The following TEX36 variants were observed in gnomAD, a reference collection of about 807,000 sequenced individuals.
TEX36 encodes the protein testis expressed 36.
TEX36 carries 12 observed loss-of-function variants against 13.6 expected under a neutral mutation model. The ratio of observed to expected loss-of-function variants is 0.88; its 90% CI spans 0.56 to 1.43. TEX36 has a LOEUF of 1.43. Among genes scored for constraint, TEX36 ranks in the 40% most tolerant of loss-of-function variants. TEX36 has a pLI of 0.00. For synonymous variants in TEX36, 93 were observed against 83.0 expected, an observed-to-expected ratio of 1.12 and a Z score of -0.65; for missense variants, 224 against 228.3, an observed-to-expected ratio of 0.98 and a Z score of 0.12.
rs557487097 is a variant in TEX36 at position 125,649,503 on chromosome 10, G to A, written c.264+11518C>T. Among the ~76,000 whole-genome samples, 12 of 152,230 alleles carry A rather than the reference G, an allele frequency of 7.9e-5. No homozygotes were observed. In the East Asian group the frequency reaches 1.9e-3, roughly 24 times the overall value. On this transcript the variant is annotated intron_variant, in intron 3 of 3. Transcript: ENST00000526819. ...CCTTACAAGAGCTCCTGAAGGAAGC[G>A]CTAAACATGGAAAGGAACAACTGGC...
chr10:125,583,770 G>C (rs912187008), intron 3 of TEX36, among the ~76,000 whole-genome samples: 2 of 152,134 alleles, frequency 1.3e-5, no homozygotes, highest in Non-Finnish European at 2.9e-5. Context: ...CATTATTATT[G>C]CCTCAATATA....
At chr10:125,650,128 A>G (rs1399970689) in intron 3 of TEX36, among the ~76,000 whole-genome samples, 1 of 152,214 alleles carries the variant, frequency 6.6e-6, no homozygotes, top group African/African-American at 2.4e-5. Flanking sequence ...AATTGAACTC[A>G]GCTCTGCACC....
chr10:125,588,411 A>G (rs1447347345), intron 3 of TEX36, among the ~76,000 whole-genome samples: 1 of 152,192 alleles, frequency 6.6e-6, no homozygotes, highest in Non-Finnish European at 1.5e-5. Flanking sequence ...GTAATTTATA[A>G]AGTCAAGAGG....
At chr10:125,634,407 A>G (rs2133569603) in intron 3 of TEX36, among the ~76,000 whole-genome samples, 1 of 152,210 alleles carries the variant, frequency 6.6e-6, no homozygotes, top group Middle Eastern at 3.4e-3. Flanking sequence ...TGGGGTTTTT[A>G]GTCTTGATCC....
intron 3 of TEX36, among the ~76,000 whole-genome samples, chr10:125,648,088 C>A (rs957826259): frequency 6.6e-6 from 1 of 152,188 alleles, no homozygotes; most frequent in African/African-American, 2.4e-5. Flanking sequence ...AGGGCATAGC[C>A]AAACAAAAGG....
intron 1 of TEX36, among the ~76,000 whole-genome samples, chr10:125,675,132 CA>C (rs1235428793): frequency 6.6e-6 from 1 of 151,878 alleles, no homozygotes; most frequent in Non-Finnish European, 1.5e-5. Flanking sequence ...GAAATTCATG[CA>C]GGGAGTCCTC....
chr10:125,583,479 A>T (rs1287523387), intron 3 of TEX36, among the ~76,000 whole-genome samples: 1 of 152,220 alleles, frequency 6.6e-6, no homozygotes, highest in Non-Finnish European at 1.5e-5. Flanking sequence ...TTTGTTTTGA[A>T]TGCTGCATGG....
chr10:125,581,011 G>A (rs1565165732), intron 3 of TEX36, among the ~76,000 whole-genome samples: 1 of 152,168 alleles, frequency 6.6e-6, no homozygotes, highest in Admixed American at 6.5e-5. Context: ...AGACAAAGGA[G>A]TCCCAAGGAC....
At chr10:125,590,293 T>A (rs555530747) in intron 3 of TEX36, among the ~76,000 whole-genome samples, 12 of 151,720 alleles carry the variant, frequency 7.9e-5, no homozygotes, top group East Asian at 3.9e-4. Context: ...AAAAAAAAAA[T>A]TTTTGTAGAG....
intron 3 of TEX36, among the ~76,000 whole-genome samples, chr10:125,582,475 C>T (rs1845895213): frequency 6.6e-6 from 1 of 152,196 alleles, no homozygotes; most frequent in Non-Finnish European, 1.5e-5. Flanking sequence ...AATAAATGCA[C>T]ATACCTAACT....
rs76515406 is a variant in TEX36 at position 125,658,564 on chromosome 10, G to C, written c.265-2368C>G. ...AAAGAACTTTGTAACCAACAGGGGG[G>C]AATATATATTATTTGTAAACAGCCA... is the stretch of plus-strand genomic sequence containing the variant. On this transcript the variant is annotated intron_variant, in intron 3 of 3. Transcript: ENST00000368821. 4.2e-4 allele frequency among the ~76,000 whole-genome samples: 64 copies of C among 152,022 alleles called. 1 individual carries two copies. Among genetic ancestry groups the C allele is most frequent in the Non-Finnish European group, 7.5e-4 (51 of 67,926 alleles).
At chr10:125,577,225 A>T (rs961468604) in intron 3 of TEX36, among the ~76,000 whole-genome samples, 1 of 152,190 alleles carries the variant, frequency 6.6e-6, no homozygotes, top group Non-Finnish European at 1.5e-5. Context: ...GGCTGGGTGC[A>T]GTGGCTTATG....
chr10:125,616,668 G>A (rs1368376288), downstream of TEX36, among the ~76,000 whole-genome samples: 1 of 112,240 alleles, frequency 8.9e-6, no homozygotes, highest in Non-Finnish European at 1.8e-5. Flanking sequence ...TATAATTTCT[G>A]TTCTTTTACA....
At chr10:125,649,892 G>C (rs1272967640) in intron 3 of TEX36, among the ~76,000 whole-genome samples, 1 of 152,114 alleles carries the variant, frequency 6.6e-6, no homozygotes, top group African/African-American at 2.4e-5. Flanking sequence ...GATCAAAAGA[G>C]ACAAAGAAGG....
At chr10:125,582,641 G>C (rs963619415) in intron 3 of TEX36, among the ~76,000 whole-genome samples, 3 of 152,088 alleles carry the variant, frequency 2.0e-5, no homozygotes, top group Admixed American at 2.0e-4. Flanking sequence ...ACACCTAAAG[G>C]CACCAATTCA....
At chr10:125,653,407 T>A (rs926944774), downstream of TEX36, among the ~76,000 whole-genome samples, 39 of 148,194 alleles carry the variant, frequency 2.6e-4, no homozygotes, top group African/African-American at 9.5e-4. Context: ...AAACACTGCA[T>A]GTTCTCACTC....
chr10:125,618,985 C>G (rs562165670), downstream of TEX36, among the ~76,000 whole-genome samples: 94 of 139,728 alleles, frequency 6.7e-4, no homozygotes, highest in African/African-American at 2.7e-3. Context: ...AAAAAATTAG[C>G]CCAGAGTGGT....
At chr10:125,598,029 C>T (rs1777720248) in intron 3 of TEX36, among the ~76,000 whole-genome samples, 2 of 152,164 alleles carry the variant, frequency 1.3e-5, no homozygotes, top group African/African-American at 2.4e-5. Context: ...TGAAGAGACT[C>T]GAAATTTGTC....
intron 3 of TEX36, among the ~76,000 whole-genome samples, chr10:125,660,007 A>G (rs1847008438): frequency 6.6e-6 from 1 of 152,248 alleles, no homozygotes; most frequent in Non-Finnish European, 1.5e-5. Flanking sequence ...ACATAAGTGT[A>G]AAACACAAAC....
Sources: gnomAD v4.1 joint callset for allele counts (sites outside exome capture counted in the v4.1 genomes callset) on GRCh38, gnomAD v4.1.1 for gene constraint, MANE v1.5 for transcripts, NCBI Gene and HGNC (gene_info 2026-07-23, HGNC 2026-07-21) for gene names.